The following AUTS2 variants were observed in gnomAD, a reference collection of about 807,000 sequenced individuals.
AUTS2 encodes the protein autism susceptibility gene 2 protein.
AUTS2 carries 17 observed loss-of-function variants against 112.4 expected under a neutral mutation model. The ratio of observed to expected loss-of-function variants is 0.15; its 90% CI spans 0.10 to 0.23. The LOEUF (loss-of-function observed/expected upper bound fraction) is 0.23. AUTS2 is among the 10% of genes least tolerant of loss of function. AUTS2 has a pLI of 1.00. For missense variants in AUTS2, 1,510 were observed against 1,701.6 expected, an observed-to-expected ratio of 0.89 and a Z score of 1.98; for synonymous variants, 751 against 702.7, an observed-to-expected ratio of 1.07 and a Z score of -1.09.
intron 1 of AUTS2, among the ~76,000 whole-genome samples, chr7:69,663,464 G>C (rs896416343): frequency 9.2e-5 from 14 of 152,144 alleles, no homozygotes; most frequent in African/African-American, 3.4e-4. Flanking sequence ...AATTATGCTG[G>C]AGATCATTTT....
intron 4 of AUTS2, among the ~76,000 whole-genome samples, chr7:70,217,008 C>G (rs1051155345): frequency 6.6e-6 from 1 of 152,242 alleles, no homozygotes; most frequent in Middle Eastern, 3.4e-3. Flanking sequence ...CTCCCAGGTT[C>G]AAGCAATTTT....
intron 4 of AUTS2, among the ~76,000 whole-genome samples, chr7:70,243,955 A>G (rs762641093): frequency 2.2e-4 from 33 of 151,910 alleles, no homozygotes; most frequent in Non-Finnish European, 4.7e-4. Context: ...TAATAGTAAT[A>G]CTATTACAGT....
chr7:70,342,954 T>C (rs1219531981), intron 4 of AUTS2, among the ~76,000 whole-genome samples: 1 of 152,184 alleles, frequency 6.6e-6, no homozygotes, highest in Non-Finnish European at 1.5e-5. Context: ...AGAGCCAAAA[T>C]ACAGGATTGT....
At chr7:69,992,813 AG>A (rs1310803032) in intron 2 of AUTS2, among the ~76,000 whole-genome samples, 1 of 152,168 alleles carries the variant, frequency 6.6e-6, no homozygotes, top group Non-Finnish European at 1.5e-5. Flanking sequence ...TGAGCCCAGG[AG>A]TTGAAGGCTG....
chr7:69,728,462 T>A (rs1786624795), intron 1 of AUTS2, among the ~76,000 whole-genome samples: 1 of 152,212 alleles, frequency 6.6e-6, no homozygotes, highest in African/African-American at 2.4e-5. Flanking sequence ...TAGAAGTGCC[T>A]GTGTGGGTTT....
At chr7:69,897,281 T>C (rs1050954528) in intron 1 of AUTS2, among the ~76,000 whole-genome samples, 7 of 152,234 alleles carry the variant, frequency 4.6e-5, no homozygotes, top group Admixed American at 2.6e-4. Context: ...TGCGTTAGTT[T>C]GTCCAGGCTG....
intron 4 of AUTS2, among the ~76,000 whole-genome samples, chr7:70,308,422 T>G (rs1318259456): frequency 3.3e-5 from 5 of 152,214 alleles, no homozygotes; most frequent in African/African-American, 1.2e-4. Flanking sequence ...ATTAGATCAC[T>G]TCTACTCCTA....
At chr7:69,632,892 T>G (rs1794330891) in intron 1 of AUTS2, among the ~76,000 whole-genome samples, 1 of 152,148 alleles carries the variant, frequency 6.6e-6, no homozygotes, top group South Asian at 2.1e-4. Context: ...GTAAGATATA[T>G]AAGATTATAG....
chr7:70,151,311 C>T (rs939378547), intron 4 of AUTS2, among the ~76,000 whole-genome samples: 12 of 152,092 alleles, frequency 7.9e-5, no homozygotes, highest in African/African-American at 2.7e-4. Flanking sequence ...GCAACAGTGC[C>T]TTACATTAAC....
intron 1 of AUTS2, among the ~76,000 whole-genome samples, chr7:69,667,050 G>A (rs1796083355): frequency 6.6e-6 from 1 of 152,084 alleles, no homozygotes; most frequent in African/African-American, 2.4e-5. Flanking sequence ...CAAGGTTGAG[G>A]GGCCACATCT....
intron 1 of AUTS2, among the ~76,000 whole-genome samples, chr7:69,792,004 G>A (rs920164119): frequency 6.6e-6 from 1 of 152,050 alleles, no homozygotes; most frequent in Admixed American, 6.6e-5. Flanking sequence ...GGTGGCTGTC[G>A]ATAGGCATTC....
At chr7:70,440,587 A>G (rs1386839267) in intron 5 of AUTS2, among the ~76,000 whole-genome samples, 1 of 152,192 alleles carries the variant, frequency 6.6e-6, no homozygotes, top group Non-Finnish European at 1.5e-5. Flanking sequence ...AGAACCTGCT[A>G]GAGGGTTTCC....
intron 5 of AUTS2, among the ~76,000 whole-genome samples, chr7:70,532,804 A>G (rs1800150914): frequency 6.6e-6 from 1 of 152,208 alleles, no homozygotes; most frequent in South Asian, 2.1e-4. Flanking sequence ...AACAAAATGG[A>G]AGAAAGGGAA....
chr7:70,423,560 A>G (rs1453731409), intron 4 of AUTS2, among the ~76,000 whole-genome samples: 2 of 152,194 alleles, frequency 1.3e-5, no homozygotes, highest in Admixed American at 1.3e-4. Flanking sequence ...TCTTGTACCT[A>G]TGCATTTTAC....
intron 1 of AUTS2, among the ~76,000 whole-genome samples, chr7:69,701,128 G>A (rs1797784336): frequency 6.6e-6 from 1 of 152,134 alleles, no homozygotes; most frequent in South Asian, 2.1e-4. Context: ...TTATAAAATA[G>A]GGATTAGAAC....
chr7:70,118,154 G>T lies in AUTS2; in HGVS notation c.545G>T (p.Cys182Phe). ...LRQLKPGQNS[C>F]RDSDSESASG... ...TAGCTCAAGCCAGGACAGAACAGCT[G>T]CAGGGACAGTGACAGTGAAAGTGCC... The change falls in exon 3 of 19, where the codon TGC becomes TTC. Residue 182 changes from cysteine (C) to phenylalanine (F), a missense_variant. Cys to Phe is a radical substitution (Grantham distance 205). This residue lies in a region of AUTS2 where 535 missense variants were observed against 594.3 expected (regional missense o/e 0.90). Transcript: ENST00000342771. The T allele has an allele frequency of 1.2e-6, 2 of 1,609,848 alleles. No homozygotes were observed. The highest frequency in any genetic ancestry group is 1.7e-6 in the Non-Finnish European group (2 of 1,178,782).
rs535751486 is a variant in AUTS2 at position 70,508,171 on chromosome 7, T to C, written c.690+72390T>C. Among the ~76,000 whole-genome samples, 13 of 152,276 alleles carry C rather than the reference T, an allele frequency of 8.5e-5. No homozygotes were observed. The East Asian group carries it at 1.7e-3, about 20-fold the overall frequency. On this transcript the variant is annotated intron_variant, in intron 5 of 18. Transcript: ENST00000342771. ...AGAGGGCTTTTTTTTGTTGTTGTTA[T>C]GTCTAAATCCTCAATACAAATTACA...
At chr7:69,763,366 G>A (rs1788276088) in intron 1 of AUTS2, among the ~76,000 whole-genome samples, 1 of 152,172 alleles carries the variant, frequency 6.6e-6, no homozygotes, top group Non-Finnish European at 1.5e-5. Context: ...GGGCTGGTGT[G>A]TGTATAATTT....
intron 2 of AUTS2, among the ~76,000 whole-genome samples, chr7:70,116,927 T>A (rs906314227): frequency 6.6e-6 from 1 of 152,162 alleles, no homozygotes; most frequent in African/African-American, 2.4e-5. Flanking sequence ...CATTGCTTGG[T>A]GTTTCTGAAA....
Sources: gnomAD v4.1 joint callset for allele counts (sites outside exome capture counted in the v4.1 genomes callset) on GRCh38, gnomAD v4.1.1 for gene constraint, gnomAD v4.1.1 regional missense constraint, MANE v1.5 for transcripts, NCBI Gene and HGNC (gene_info 2026-07-23, HGNC 2026-07-21) for gene names.